The following DENND1B variants were observed in gnomAD, a reference collection of about 807,000 sequenced individuals.
The protein encoded by DENND1B is DENN domain-containing protein 1B.
DENND1B carries 59 observed loss-of-function variants against 90.1 expected under a neutral mutation model. The observed-to-expected ratio is 0.65, with a 90% CI of 0.53 to 0.81. DENND1B has a LOEUF of 0.81. Among genes scored for constraint, DENND1B ranks in the 40% least tolerant of loss-of-function variants. DENND1B has a pLI of 0.00. For synonymous variants in DENND1B, 337 were observed against 324.6 expected (o/e 1.04, Z -0.41); for missense variants, 862 against 912.6 (o/e 0.94, Z 0.71).
chr1:197,556,990 G>A (rs1396160564), intron 15 of DENND1B, among the ~76,000 whole-genome samples: 3 of 150,514 alleles, frequency 2.0e-5, no homozygotes, highest in South Asian at 2.1e-4. Context: ...CTTTAACAAT[G>A]CTGAAGTTCA....
At chr1:197,679,140 G>T (rs1656391861) in intron 3 of DENND1B, among the ~76,000 whole-genome samples, 1 of 151,532 alleles carries the variant, frequency 6.6e-6, no homozygotes, top group African/African-American at 2.4e-5. Flanking sequence ...AATACATTCT[G>T]CCATAAAAAG....
intron 3 of DENND1B, chr1:197,689,669 C>T (rs2488411): frequency 0.8 from 129,775 of 163,052 alleles, 51,763 homozygotes; most frequent in Middle Eastern, 0.87. Flanking sequence ...GAAATCAGCA[C>T]CCATATTAAG....
intron 3 of DENND1B, among the ~76,000 whole-genome samples, chr1:197,696,615 C>G (rs898027798): frequency 6.6e-6 from 1 of 151,508 alleles, no homozygotes; most frequent in Non-Finnish European, 1.5e-5. Context: ...TGTCATAACA[C>G]CAGTTTGAAA....
chr1:197,555,595 T>A (rs1299129230), intron 15 of DENND1B, among the ~76,000 whole-genome samples: 1 of 151,918 alleles, frequency 6.6e-6, no homozygotes, highest in Non-Finnish European at 1.5e-5. Context: ...CCAAGAAACA[T>A]ATGAAAGAAT....
chr1:197,592,006 C>T (rs373749355), intron 14 of DENND1B, among the ~76,000 whole-genome samples: 3 of 147,866 alleles, frequency 2.0e-5, no homozygotes, highest in Non-Finnish European at 3.0e-5. Context: ...CTACTCGGGA[C>T]GCTGAGGCAG....
At chr1:197,714,319 C>T (rs555935361) in intron 3 of DENND1B, among the ~76,000 whole-genome samples, 2 of 151,986 alleles carry the variant, frequency 1.3e-5, no homozygotes, top group Non-Finnish European at 2.9e-5. Context: ...ATCCTTAAAT[C>T]TGTATTATTT....
intron 20 of DENND1B, among the ~76,000 whole-genome samples, chr1:197,519,876 G>C (rs946763590): frequency 6.6e-6 from 1 of 151,808 alleles, no homozygotes; most frequent in African/African-American, 2.4e-5. Flanking sequence ...GGCCCATTAA[G>C]ACTTGCAGTT....
In DENND1B at chr1:197,511,752, C is replaced by T; in HGVS notation, c.1791G>A (p.Met597Ile). 1 of 1,607,688 alleles carries T rather than the reference C, an allele frequency of 6.2e-7. No homozygotes were observed. The highest frequency in any genetic ancestry group is 8.5e-7 in the Non-Finnish European group (1 of 1,176,598). ...AAKSLDFFRS[M>I]DDIDYKPTNK... ...CCGTAGGTTTGTAATCAATGTCATC[C>T]ATTGATCTAAAGAAATCCAAGCTCT... The change falls in exon 22 of 23, where the codon ATG becomes ATA. Residue 597 changes from methionine to isoleucine, a missense_variant. Coordinates refer to ENST00000620048, the MANE Select transcript of DENND1B (RefSeq NM_001195215.2).
intron 9 of DENND1B, among the ~76,000 whole-genome samples, chr1:197,643,058 A>T (rs1680411810): frequency 6.6e-6 from 1 of 152,190 alleles, no homozygotes; most frequent in Non-Finnish European, 1.5e-5. Context: ...ATCAGATCAC[A>T]GATTTCCCAA....
At chr1:197,760,777 G>A (rs982170722) in intron 2 of DENND1B, among the ~76,000 whole-genome samples, 3 of 151,720 alleles carry the variant, frequency 2.0e-5, no homozygotes, top group Admixed American at 6.6e-5. Flanking sequence ...GCAAAATTTA[G>A]AACAATGACA....
chr1:197,588,743 T>C (rs1674928523), intron 14 of DENND1B, among the ~76,000 whole-genome samples: 1 of 152,154 alleles, frequency 6.6e-6, no homozygotes, highest in Non-Finnish European at 1.5e-5. Flanking sequence ...ATTTTTCTTC[T>C]ACATGTCCCA....
At chr1:197,667,770 T>C (rs1019279376) in intron 5 of DENND1B, among the ~76,000 whole-genome samples, 2 of 152,216 alleles carry the variant, frequency 1.3e-5, no homozygotes, top group Non-Finnish European at 2.9e-5. Flanking sequence ...TACTAAAACA[T>C]ACTAGTAAGA....
chr1:197,735,345 A>G, intron 2 of DENND1B: 8 of 1,314,108 alleles, frequency 6.1e-6, no homozygotes, highest in Non-Finnish European at 7.8e-6. Context: ...AATGCTACAC[A>G]GCTCCACCTT....
intron 15 of DENND1B, among the ~76,000 whole-genome samples, chr1:197,575,530 C>T (rs1673593224): frequency 6.6e-6 from 1 of 152,140 alleles, no homozygotes; most frequent in Non-Finnish European, 1.5e-5. Context: ...GTGAGGATTC[C>T]TCAAGGATCT....
intron 13 of DENND1B, among the ~76,000 whole-genome samples, chr1:197,600,571 AC>A (rs1263757204): frequency 1.3e-5 from 2 of 151,746 alleles, no homozygotes; most frequent in East Asian, 3.9e-4. Context: ...TGGAAAACTT[AC>A]CTCTTAATTG....
chr1:197,561,925 A>G (rs572722803), intron 15 of DENND1B, among the ~76,000 whole-genome samples: 1 of 151,798 alleles, frequency 6.6e-6, no homozygotes, highest in Admixed American at 6.6e-5. Flanking sequence ...ACTGCCATCA[A>G]TTTCTCACCT....
chr1:197,556,449 C>T (rs979373698), intron 15 of DENND1B, among the ~76,000 whole-genome samples: 2 of 151,934 alleles, frequency 1.3e-5, no homozygotes, highest in African/African-American at 4.8e-5. Context: ...TGTGGTAAGA[C>T]AGGTTTAAAT....
upstream of DENND1B, among the ~76,000 whole-genome samples, chr1:197,778,416 T>G (rs1181813691): frequency 1.3e-5 from 2 of 152,242 alleles, no homozygotes; most frequent in Non-Finnish European, 2.9e-5. Flanking sequence ...GGCTCATGCC[T>G]GTCATCCCAT....
At chr1:197,650,523 T>A (rs1250503827) in intron 7 of DENND1B, among the ~76,000 whole-genome samples, 1 of 152,048 alleles carries the variant, frequency 6.6e-6, no homozygotes, top group East Asian at 1.9e-4. Flanking sequence ...TGGGTATCTA[T>A]CAAGAGGAAA....
Sources: allele counts gnomAD v4.1 joint callset (sites outside exome capture counted in the v4.1 genomes callset), GRCh38; gene constraint gnomAD v4.1.1; transcripts MANE v1.5; gene names NCBI Gene and HGNC (gene_info 2026-07-23, HGNC 2026-07-21).